MYO16: variants seen among roughly 807,000 people sequenced by gnomAD.
MYO16 encodes the protein myosin XVI.
In MYO16, 94 loss-of-function variants were observed where a neutral mutation model predicts 205.3. The ratio of observed to expected loss-of-function variants is 0.46; its 90% confidence interval spans 0.39 to 0.54. The LOEUF (loss-of-function observed/expected upper bound fraction) is 0.54, where lower values mean the gene tolerates loss of function less well. Ranked by LOEUF, MYO16 falls within the 20% of genes least tolerant of loss-of-function variation. The probability of loss-of-function intolerance (pLI) is 0.00; values close to 1 mark genes in which losing one functional copy is unlikely to be tolerated. For synonymous variants in MYO16, 988 were observed against 954.0 expected (o/e 1.04, Z -0.66); for missense variants, 2,315 against 2,387.5 (o/e 0.97, Z 0.63).
At chr13:108,799,658 C>T (rs1886909889) in intron 6 of MYO16, among the ~76,000 whole-genome samples, 1 of 152,160 alleles carries the variant, frequency 6.6e-6, no homozygotes, top group Non-Finnish European at 1.5e-5. Context: ...TCACCCCCAG[C>T]CCCCGAATTT....
At chr13:108,909,790 G>C (rs1305369814) in intron 15 of MYO16, among the ~76,000 whole-genome samples, 1 of 151,974 alleles carries the variant, frequency 6.6e-6, no homozygotes, top group Non-Finnish European at 1.5e-5. Flanking sequence ...GTTGGATATG[G>C]GACAAGGAAG....
At chr13:108,543,703 G>C in the MYO16 span, among the ~76,000 whole-genome samples, 3 of 146,062 alleles carry the variant, frequency 2.1e-5, no homozygotes, top group African/African-American at 7.5e-5. Context: ...CAAAGTTAAG[G>C]TACTAGGCAA....
intron 1 of MYO16, among the ~76,000 whole-genome samples, chr13:108,622,647 G>A (rs1879587974): frequency 6.7e-6 from 1 of 148,896 alleles, no homozygotes; most frequent in Non-Finnish European, 1.5e-5. Flanking sequence ...GAGGGGGGAA[G>A]GCAGATGTTG....
intron 33 of MYO16, among the ~76,000 whole-genome samples, chr13:109,170,742 C>A (rs969788950): frequency 6.6e-6 from 1 of 151,954 alleles, no homozygotes; most frequent in Non-Finnish European, 1.5e-5. Context: ...CAAGCAGAAA[C>A]CCTCTAGACC....
At position 109,054,988 on chromosome 13, in the gene MYO16, C is replaced by T. The variant is rs1887364750; in HGVS notation, c.3049-58C>T. On this transcript the variant is annotated intron_variant, in intron 25 of 34. Coordinates refer to ENST00000457511, the MANE Select transcript of MYO16 (RefSeq NM_001198950.3). ...TTCCTCCCTCCTTTTCCTCCTTCTT[C>T]CTTTCCTTTCCTTTCCTTTCTTTTC... 5.5e-6 allele frequency: 6 copies of T among 1,090,434 alleles called. No homozygotes were observed. The Admixed American group carries it at 7.5e-5, about 14-fold the overall frequency. The allele number at this position is 1,090,434 out of a possible 1,614,324, so 67.5% of individuals were successfully genotyped here. A position where few individuals can be genotyped will look rare whatever the true frequency, so the allele number is the denominator to read the frequency against.
rs145187326 is a variant in MYO16 at position 108,658,426 on chromosome 13, TTG to T, written c.29-7428_29-7427del. ...CTTCCTTCTTTTTTTTGTTTCAACT[TTG>T]TGTGTGTGTGTGTGTGTGTGTGTGT... On this transcript the variant is annotated intron_variant, in intron 1 of 34. Coordinates refer to ENST00000457511, the MANE Select transcript of MYO16 (RefSeq NM_001198950.3). Among the ~76,000 whole-genome samples, 1,266 of 145,168 alleles carry T rather than the reference TTG, an allele frequency of 8.7e-3. 4 individuals carry two copies. Among genetic ancestry groups the T allele is most frequent in the East Asian group, 0.014 (68 of 4,914 alleles).
At chr13:108,825,837 A>G (rs908273182) in intron 9 of MYO16, among the ~76,000 whole-genome samples, 1 of 33,922 alleles carries the variant, frequency 2.9e-5, no homozygotes, top group African/African-American at 3.3e-5. Flanking sequence ...CCAGTAGGTT[A>G]GAAAAAAAAG....
chr13:108,577,693 C>T, the MYO16 span, among the ~76,000 whole-genome samples: 1 of 152,224 alleles, frequency 6.6e-6, no homozygotes, highest in African/African-American at 2.4e-5. Flanking sequence ...TTGTCAGACA[C>T]TTTGCACTGA....
chr13:108,986,462 A>G (rs1319486149), intron 20 of MYO16, among the ~76,000 whole-genome samples: 2 of 151,830 alleles, frequency 1.3e-5, no homozygotes, highest in Non-Finnish European at 2.9e-5. Context: ...GTCTCTACTA[A>G]AAAAACAAAA....
chr13:108,819,068 G>A (rs1025719510), intron 7 of MYO16, among the ~76,000 whole-genome samples: 25 of 152,160 alleles, frequency 1.6e-4, no homozygotes, highest in Admixed American at 4.6e-4. Flanking sequence ...TAGTCACTTT[G>A]ATGCTGTCCA....
chr13:109,023,336 T>C (rs565088151), intron 23 of MYO16, among the ~76,000 whole-genome samples: 110 of 61,154 alleles, frequency 1.8e-3, no homozygotes, highest in African/African-American at 7.1e-3. Flanking sequence ...CAGATATAAA[T>C]ATATATTTAT....
At chr13:109,173,962 T>C (rs1594158254) in intron 33 of MYO16, among the ~76,000 whole-genome samples, 3 of 139,530 alleles carry the variant, frequency 2.2e-5, no homozygotes, top group Non-Finnish European at 3.1e-5. Flanking sequence ...GGGGGTACTC[T>C]CTGCTGTTTT....
chr13:108,813,094 G>A (rs1438587310), intron 7 of MYO16, among the ~76,000 whole-genome samples: 2 of 152,078 alleles, frequency 1.3e-5, no homozygotes, highest in Non-Finnish European at 2.9e-5. Context: ...GGGCAGAGGA[G>A]GATTATGAGA....
intron 4 of MYO16, among the ~76,000 whole-genome samples, chr13:108,759,652 T>TCTA (rs1885534413): frequency 6.6e-6 from 1 of 151,922 alleles, no homozygotes; most frequent in African/African-American, 2.4e-5. Flanking sequence ...AAACCCCGTC[T>TCTA]CTACTAAAAA....
chr13:108,924,203 A>C (rs1881875001), intron 16 of MYO16, among the ~76,000 whole-genome samples: 1 of 152,224 alleles, frequency 6.6e-6, no homozygotes. Flanking sequence ...GAATATGTGC[A>C]AAGTGTCACG....
chr13:108,976,254 G>A (rs1884251547), intron 20 of MYO16, among the ~76,000 whole-genome samples: 1 of 152,084 alleles, frequency 6.6e-6, no homozygotes, highest in African/African-American at 2.4e-5. Context: ...CATCTCCTAA[G>A]TGAAGTTTTA....
At chr13:108,793,871 C>T (rs1273630845) in intron 6 of MYO16, among the ~76,000 whole-genome samples, 2 of 152,176 alleles carry the variant, frequency 1.3e-5, no homozygotes, top group Non-Finnish European at 2.9e-5. Flanking sequence ...ACCATAGACA[C>T]ACGCATGCGT....
chr13:109,120,838 C>A (rs1251682525), intron 29 of MYO16, among the ~76,000 whole-genome samples: 1 of 152,048 alleles, frequency 6.6e-6, no homozygotes, highest in Non-Finnish European at 1.5e-5. Flanking sequence ...TCCCTTGAGG[C>A]CAGGAGTTCA....
chr13:108,848,619 GC>G (rs967230560), intron 10 of MYO16, among the ~76,000 whole-genome samples: 1 of 152,068 alleles, frequency 6.6e-6, no homozygotes, highest in Non-Finnish European at 1.5e-5. Flanking sequence ...CGGCAACATA[GC>G]AAAACCCCAT....
Sources: gnomAD v4.1 joint callset for allele counts (sites outside exome capture counted in the v4.1 genomes callset) on GRCh38, gnomAD v4.1.1 for gene constraint, MANE v1.5 for transcripts, NCBI Gene and HGNC (gene_info 2026-07-23, HGNC 2026-07-21) for gene names.